MINK1: variants seen among roughly 807,000 people sequenced by gnomAD.
MINK1 encodes the protein misshapen like kinase 1, also known as misshapen-like kinase 1.
A neutral mutation model predicts 178.4 loss-of-function variants in MINK1; 46 were observed. The ratio of observed to expected loss-of-function variants is 0.26; its 90% CI spans 0.20 to 0.33. The LOEUF is 0.33. Ranked by LOEUF, MINK1 falls within the 10% of genes least tolerant of loss-of-function variation. The pLI is 1.00. For missense variants in MINK1, 1,366 were observed against 1,814.9 expected (o/e 0.75, Z 4.49); for synonymous variants, 797 against 709.7 (o/e 1.12, Z -1.96).
chr17:4,886,421 C>CTGG lies in MINK1; in HGVS notation c.774-30_774-29insTGG. 1 of 1,581,294 alleles carries CTGG rather than the reference C, an allele frequency of 6.3e-7. No individual in the cohort carries two copies. On this transcript the variant is annotated intron_variant, in intron 9 of 31. Coordinates refer to ENST00000355280, the MANE Select transcript of MINK1 (RefSeq NM_153827.5). This position sits in a 1 kb window ranked among gnomAD's most constrained non-coding sequence, Gnocchi z 6.1. The stretch of plus-strand genomic sequence containing the variant: ...CTGCACCCATCCCTTCTGAGGGGAC[C>CTGG]CTCCCAGTGTGAGCCACCACTGTTT...
rs759995957 is a variant in MINK1 at position 4,867,138 on chromosome 17, GTTTTT to G, written c.58-11156_58-11152del. On this transcript the variant is annotated intron_variant, in intron 1 of 31. Coordinates refer to ENST00000355280, the MANE Select transcript of MINK1 (RefSeq NM_153827.5). ...CACTATAGTAGGTGCTCTTAGGACT[GTTTTT>G]TTTTTTTTTTTTTTTTTTTTTTAAG... 2.8e-4 allele frequency among the ~76,000 whole-genome samples: 18 copies of G among 64,910 alleles called. No homozygotes were observed. In the East Asian group the frequency reaches 4.7e-3, roughly 17 times the overall value. The allele number at this position is 64,910 out of a possible 152,430, so 42.6% of individuals were successfully genotyped here.
rs1238102667 is a variant in MINK1, at chr17:4,836,200, G to A, written c.57+2560G>A. 6.6e-6 allele frequency among the ~76,000 whole-genome samples: 1 copy of A among 152,184 alleles called. No individual in the cohort carries two copies. The highest frequency in any genetic ancestry group is 1.5e-5 in the Non-Finnish European group (1 of 68,028). ...TCTTGTGTTGGGGGCTGGGGAGAGG[G>A]ATGGGAGAGGAACATATTCAGTATT... is the stretch of plus-strand genomic sequence containing the variant. On this transcript the variant is annotated intron_variant, in intron 1 of 31. Transcript: ENST00000355280. This position sits in a 1 kb window ranked among gnomAD's most constrained non-coding sequence, Gnocchi z 4.3.
At chr17:4,834,882 C>T in intron 1 of MINK1, 3 of 519,902 alleles carry the variant, frequency 5.8e-6, no homozygotes, top group South Asian at 1.4e-5. Context: ...ACAGGTGCCC[C>T]GGATATGGCT....
In MINK1 at chr17:4,897,489, AAAACTGTGCCTGTCCCC is replaced by A. The variant is rs1969675290; in HGVS notation, c.*204_*220del. On this transcript the variant is annotated 3_prime_UTR_variant, in exon 32 of 32. Coordinates refer to ENST00000355280, the MANE Select transcript of MINK1 (RefSeq NM_153827.5). ...CTCTTCCCCAACATGTCCTCTTCCCAAAACTGTGCCTGTCCCCAGCTTCTGGGGAGGGACACAGCTTC... is the reference window on the plus strand; with the variant it reads ...CTCTTCCCCAACATGTCCTCTTCCCAAGCTTCTGGGGAGGGACACAGCTTC... The A allele has an allele frequency of 9.1e-6, 5 of 552,464 alleles. No homozygotes were observed. The highest frequency in any genetic ancestry group is 1.3e-5 in the Non-Finnish European group (4 of 310,960). The allele number at this position is 552,464 out of a possible 1,614,324, so 34.2% of individuals were successfully genotyped here.
At position 4,833,699 on chromosome 17, in the gene MINK1, CG is replaced by C; in HGVS notation, c.57+63del. ...CCTGTCCCCGCCGCAGGGGAGGGAG[CG>C]GGGTGGCTGCACGCCTCACGTGCTC... On this transcript the variant is annotated intron_variant, in intron 1 of 31. Coordinates refer to ENST00000355280, the MANE Select transcript of MINK1 (RefSeq NM_153827.5). This position sits in a 1 kb window ranked among gnomAD's most constrained non-coding sequence, Gnocchi z 4.8. 1 of 1,376,172 alleles carries C rather than the reference CG, an allele frequency of 7.3e-7. No individual in the cohort carries two copies. The highest frequency in any genetic ancestry group is 9.6e-7 in the Non-Finnish European group (1 of 1,044,114). 85.2% of individuals were successfully genotyped at this position (1,376,172 alleles called of 1,614,324 possible).
rs1407525730 is a variant in MINK1, at chr17:4,894,687, A to AG, written c.2917+58dup. 1 of 1,367,250 alleles carries AG rather than the reference A, an allele frequency of 7.3e-7. No individual in the cohort carries two copies. Among genetic ancestry groups the AG allele is most frequent in the Admixed American group, 1.9e-5 (1 of 51,802 alleles). The allele number at this position is 1,367,250 out of a possible 1,614,324, so 84.7% of individuals were successfully genotyped here. A position where few individuals can be genotyped will look rare whatever the true frequency, so the allele number is the denominator to read the frequency against. On this transcript the variant is annotated intron_variant, in intron 24 of 31. Coordinates refer to ENST00000355280, the MANE Select transcript of MINK1 (RefSeq NM_153827.5). This position sits in a 1 kb window ranked among gnomAD's most constrained non-coding sequence, Gnocchi z 4.1. ...AGGCCAGGGTCCAGGGGCAGCCTGGAGGGGAGCACAGTGGTCTTGAGACGC... is the reference window on the plus strand; with the variant it reads ...AGGCCAGGGTCCAGGGGCAGCCTGGAGGGGGAGCACAGTGGTCTTGAGACGC...
At position 4,897,290 on chromosome 17, in the gene MINK1, G is replaced by T; in HGVS notation, c.*3G>T. On this transcript the variant is annotated 3_prime_UTR_variant, in exon 32 of 32. Coordinates refer to ENST00000355280, the MANE Select transcript of MINK1 (RefSeq NM_153827.5). ...GTAACTGCATCATGAACTGGTGACG[G>T]GGCCCTGGGCTGGGGCTGTCCCACA... is the stretch of plus-strand genomic sequence containing the variant. 1 of 1,613,366 alleles carries T rather than the reference G, an allele frequency of 6.2e-7. No homozygotes were observed. Among genetic ancestry groups the T allele is most frequent in the Non-Finnish European group, 8.5e-7 (1 of 1,179,544 alleles).
intron 31 of MINK1, 64 bp from the exon 32 acceptor site, chr17:4,897,132 TTCTTTCCC>T (rs1267408137): frequency 8.3e-5 from 102 of 1,227,768 alleles, no homozygotes; most frequent in Middle Eastern, 8.3e-4. Flanking sequence ...CCTTCTTCCC[TTCTTTCCC>T]TCTCCCAGTT....
At chr17:4,867,147 T>TTTTG (rs1915136564) in intron 1 of MINK1, among the ~76,000 whole-genome samples, 1 of 136,258 alleles carries the variant, frequency 7.3e-6, no homozygotes, top group African/African-American at 2.8e-5. Flanking sequence ...TGTTTTTTTT[T>TTTTG]TTTTTTTTTT....
chr17:4,845,057 C>G (rs1910814046), intron 1 of MINK1, among the ~76,000 whole-genome samples: 1 of 152,138 alleles, frequency 6.6e-6, no homozygotes, highest in Non-Finnish European at 1.5e-5. Context: ...CATTCTGCAT[C>G]TCATTGTCTT....
chr17:4,859,057 G>A, intron 1 of MINK1: 8 of 907,864 alleles, frequency 8.8e-6, no homozygotes, highest in Non-Finnish European at 1.1e-5. Flanking sequence ...CCTTGCCTGG[G>A]TCTGGGAACA....
In MINK1 at chr17:4,895,665, G is replaced by C. The variant is rs1458369682; in HGVS notation, c.3230-33G>C. On this transcript the variant is annotated intron_variant, in intron 26 of 31. Transcript: ENST00000355280. The surrounding 1 kb of genome is among the most constrained non-coding windows in gnomAD (Gnocchi z 4.3). Reference sequence around the variant, plus strand: ...TGGCATTCGGGCCTCAGATGAGAATGGGGGCGGGTGTGTATGTCTGTCCGT... The same window carrying C: ...TGGCATTCGGGCCTCAGATGAGAATCGGGGCGGGTGTGTATGTCTGTCCGT... 1 of 1,607,744 alleles carries C rather than the reference G, an allele frequency of 6.2e-7. No individual in the cohort carries two copies. The highest frequency in any genetic ancestry group is 1.3e-5 in the African/African-American group (1 of 74,824).
At chr17:4,876,074 C>A (rs1967158172) in intron 1 of MINK1, among the ~76,000 whole-genome samples, 1 of 152,010 alleles carries the variant, frequency 6.6e-6, no homozygotes. Context: ...GGATTACAGG[C>A]GTGAGCCACC....
intron 1 of MINK1, among the ~76,000 whole-genome samples, chr17:4,866,633 G>C (rs1370932924): frequency 6.6e-6 from 1 of 150,530 alleles, no homozygotes; most frequent in Non-Finnish European, 1.5e-5. Context: ...AAAATAGCCA[G>C]GCATGATGGC....
intron 1 of MINK1, among the ~76,000 whole-genome samples, chr17:4,876,011 G>A (rs181191371): frequency 3.7e-4 from 56 of 152,040 alleles, no homozygotes; most frequent in Non-Finnish European, 6.6e-4. Context: ...TAGCCAGGAT[G>A]GTCTCGATAC....
intron 4 of MINK1, among the ~76,000 whole-genome samples, chr17:4,881,562 A>C (rs1267686522): frequency 6.6e-6 from 1 of 152,166 alleles, no homozygotes; most frequent in Non-Finnish European, 1.5e-5. Flanking sequence ...AAATAAATAT[A>C]ATCCTGGCAA....
At chr17:4,881,778 C>T (rs543595529) in intron 4 of MINK1, among the ~76,000 whole-genome samples, 16 of 152,364 alleles carry the variant, frequency 1.1e-4, no homozygotes, top group African/African-American at 3.6e-4. Flanking sequence ...CCCCAAATTC[C>T]TCCTGCCTGG....
intron 1 of MINK1, among the ~76,000 whole-genome samples, chr17:4,862,168 C>G (rs8074868): frequency 0.058 from 8,776 of 152,094 alleles, 794 homozygotes; most frequent in African/African-American, 0.19. Flanking sequence ...AAGGAATCTG[C>G]TCTAGCTAAG....
chr17:4,887,241 G>A lies in MINK1; in HGVS notation c.1019+62G>A. 3 of 1,506,888 alleles carry A rather than the reference G, an allele frequency of 2.0e-6. No individual in the cohort carries two copies. Among genetic ancestry groups the A allele is most frequent in the Non-Finnish European group, 2.7e-6 (3 of 1,106,232 alleles). 93.3% of individuals were successfully genotyped at this position (1,506,888 alleles called of 1,614,324 possible). ...ATCGCTGAGTGGGGGGACTACAGTG[G>A]TGCTTGGCTTTGGGGACTCTCAGCC... is the stretch of plus-strand genomic sequence containing the variant. On this transcript the variant is annotated intron_variant, in intron 11 of 31. Transcript: ENST00000355280. The surrounding 1 kb of genome is among the most constrained non-coding windows in gnomAD (Gnocchi z 7.6).
Sources: allele counts gnomAD v4.1 joint callset (sites outside exome capture counted in the v4.1 genomes callset), GRCh38; gene constraint gnomAD v4.1.1; non-coding constraint Gnocchi (gnomAD v3.1); transcripts MANE v1.5; gene names NCBI Gene and HGNC (gene_info 2026-07-23, HGNC 2026-07-21).